The following FIG4 variants were observed in gnomAD, a reference collection of about 807,000 sequenced individuals.
FIG4 encodes the protein polyphosphoinositide phosphatase.
FIG4 carries 112 observed loss-of-function variants against 118.6 expected under a neutral mutation model. The observed-to-expected ratio is 0.94, with a 90% confidence interval of 0.81 to 1.11. The LOEUF (loss-of-function observed/expected upper bound fraction) is 1.11, where lower values mean the gene tolerates loss of function less well. Among genes scored for constraint, FIG4 ranks in the 50% least tolerant of loss-of-function variants. FIG4 has a pLI of 0.00. For missense variants in FIG4, 969 were observed against 1,111.7 expected (o/e 0.87, Z 1.83); for synonymous variants, 369 against 381.2 (o/e 0.97, Z 0.37).
intron 21 of FIG4, among the ~76,000 whole-genome samples, chr6:109,793,714 C>T (rs997813376): frequency 6.6e-6 from 1 of 152,134 alleles, no homozygotes; most frequent in African/African-American, 2.4e-5. Flanking sequence ...ATTTCATTTA[C>T]AGAATCCATT....
At chr6:109,735,616 T>A (rs1273749867) in intron 6 of FIG4, among the ~76,000 whole-genome samples, 1 of 152,124 alleles carries the variant, frequency 6.6e-6, no homozygotes, top group African/African-American at 2.4e-5. Flanking sequence ...TAATTTTTTT[T>A]AATATTAGGT....
chr6:109,807,636 C>T (rs1778603050), intron 22 of FIG4, among the ~76,000 whole-genome samples: 1 of 152,140 alleles, frequency 6.6e-6, no homozygotes, highest in South Asian at 2.1e-4. Context: ...TCTATTTTGG[C>T]TTTTGTTGCC....
At chr6:109,810,802 C>T (rs550645786) in intron 22 of FIG4, among the ~76,000 whole-genome samples, 3 of 152,070 alleles carry the variant, frequency 2.0e-5, no homozygotes, top group Admixed American at 6.6e-5. Flanking sequence ...CAGAAAAATA[C>T]GTTCTGAAAA....
At chr6:109,796,149 A>C (rs184506884) in intron 21 of FIG4, among the ~76,000 whole-genome samples, 26 of 152,336 alleles carry the variant, frequency 1.7e-4, no homozygotes, top group African/African-American at 6.3e-4. Context: ...AAGACCTTTC[A>C]GAAGAGGTCA....
intron 16 of FIG4, among the ~76,000 whole-genome samples, chr6:109,780,886 G>T (rs1777782711): frequency 6.6e-6 from 1 of 152,194 alleles, no homozygotes; most frequent in South Asian, 2.1e-4. Context: ...ACCACTAATT[G>T]AAGCTTTGTT....
Position 109,735,176 on chromosome 6 carries a change from T to C in FIG4, c.524T>C (p.Leu175Pro), listed in dbSNP as rs397514707. 1.2e-6 allele frequency: 2 copies of C among 1,612,916 alleles called. No individual in the cohort carries two copies. The highest frequency in any genetic ancestry group is 8.5e-7 in the Non-Finnish European group (1 of 1,179,192). Residue 175 changes from leucine (L) to proline (P), a missense_variant, in exon 6 of 23, where the codon CTT becomes CCT. By Grantham distance (98) the Leu-to-Pro change is moderately conservative. Transcript: ENST00000230124. Reference sequence around the variant, plus strand: ...TACAGCTATGATTTGTCCCACTCACTTCAATATAATCTCACTGTCTTGCGA... The same window carrying C: ...TACAGCTATGATTTGTCCCACTCACCTCAATATAATCTCACTGTCTTGCGA... ...FSYSYDLSHS[L>P]QYNLTVLRMP...
At chr6:109,702,672 A>G (rs202212760) in intron 1 of FIG4, among the ~76,000 whole-genome samples, 1 of 151,540 alleles carries the variant, frequency 6.6e-6, no homozygotes, top group Admixed American at 6.6e-5. Flanking sequence ...TTCCTTCCCT[A>G]TTCTTGGATA....
chr6:109,761,454 C>T (rs747073536), intron 11 of FIG4, among the ~76,000 whole-genome samples: 1 of 152,092 alleles, frequency 6.6e-6, no homozygotes. Context: ...GGCGCAATCT[C>T]GGCTCACTGC....
At chr6:109,800,517 C>A (rs1440536203) in intron 22 of FIG4, among the ~76,000 whole-genome samples, 1 of 152,152 alleles carries the variant, frequency 6.6e-6, no homozygotes, top group Non-Finnish European at 1.5e-5. Context: ...ACCACTGGAA[C>A]AGTGTTGCTG....
At chr6:109,692,708 T>C (rs545570426) in intron 1 of FIG4, among the ~76,000 whole-genome samples, 41 of 152,020 alleles carry the variant, frequency 2.7e-4, no homozygotes, top group African/African-American at 8.9e-4. Context: ...TTTTTTTTTT[T>C]CCCTTTGAGA....
At chr6:109,705,147 A>T (rs1057071122) in intron 1 of FIG4, among the ~76,000 whole-genome samples, 3 of 152,148 alleles carry the variant, frequency 2.0e-5, no homozygotes, top group African/African-American at 7.2e-5. Context: ...AGTGGAGGGA[A>T]ACTTTAGGGA....
At chr6:109,704,581 T>C (rs1775001625) in intron 1 of FIG4, among the ~76,000 whole-genome samples, 2 of 149,780 alleles carry the variant, frequency 1.3e-5, no homozygotes, top group South Asian at 4.2e-4. Flanking sequence ...GGGAGGAGAA[T>C]TGCTTGAACC....
chr6:109,790,676 T>C (rs1020168390), intron 19 of FIG4, among the ~76,000 whole-genome samples: 1 of 152,110 alleles, frequency 6.6e-6, no homozygotes, highest in African/African-American at 2.4e-5. Flanking sequence ...TTTTAAAGAG[T>C]GAAATATTAA....
intron 17 of FIG4, 197 bp from the exon 18 acceptor site, chr6:109,786,105 T>C: frequency 1.7e-6 from 1 of 586,234 alleles, no homozygotes; most frequent in Non-Finnish European, 3.0e-6. Context: ...GAACTCAGCT[T>C]TGCATTGTAT....
At chr6:109,716,658 A>C in intron 3 of FIG4, 90 bp downstream of exon 3, 6 of 1,447,398 alleles carry the variant, frequency 4.1e-6, no homozygotes, top group Non-Finnish European at 5.8e-6. Flanking sequence ...TAAGGCTATA[A>C]GGCTTTAAAA....
chr6:109,796,679 G>T, intron 21 of FIG4, 86 bp from the exon 22 acceptor site: 1 of 831,444 alleles, frequency 1.2e-6, no homozygotes. Flanking sequence ...ACTGAAATTT[G>T]AAAGCTTACA....
intron 10 of FIG4, among the ~76,000 whole-genome samples, chr6:109,759,975 G>C (rs1009243235): frequency 6.6e-6 from 1 of 152,184 alleles, no homozygotes; most frequent in Non-Finnish European, 1.5e-5. Flanking sequence ...CATGGCCCAC[G>C]TTGGGTAAGC....
intron 10 of FIG4, among the ~76,000 whole-genome samples, chr6:109,745,534 A>G (rs1397022954): frequency 6.6e-6 from 1 of 152,060 alleles, no homozygotes; most frequent in East Asian, 1.9e-4. Flanking sequence ...TAGATTCTGG[A>G]TAGTAGCCCT....
In FIG4 at chr6:109,763,001, G is replaced by T. The variant is rs115047850; in HGVS notation, c.1388+794G>T. On this transcript the variant is annotated intron_variant, in intron 12 of 22. Coordinates refer to ENST00000230124, the MANE Select transcript of FIG4 (RefSeq NM_014845.6). ...ACAAGCTTCCAGAGTCTTCTCCTCA[G>T]TGGAGTTGCATAGAACACACTTAAT... Among the ~76,000 whole-genome samples the T allele has an allele frequency of 3.7e-3, 570 of 152,336 alleles. 3 individuals are homozygous for T. The highest frequency in any genetic ancestry group is 0.013 in the African/African-American group (546 of 41,574).
Sources: allele counts gnomAD v4.1 joint callset (sites outside exome capture counted in the v4.1 genomes callset), GRCh38; gene constraint gnomAD v4.1.1; transcripts MANE v1.5; gene names NCBI Gene and HGNC (gene_info 2026-07-23, HGNC 2026-07-21).